The following DDX10 variants were observed in gnomAD, a reference collection of about 807,000 sequenced individuals.
DDX10 encodes the protein probable ATP-dependent RNA helicase DDX10.
Under a neutral mutation model 104.3 loss-of-function variants are expected in DDX10, and 74 were observed. The ratio of observed to expected loss-of-function variants is 0.71; its 90% CI spans 0.59 to 0.86. DDX10 has a LOEUF of 0.86. Among genes scored for constraint, DDX10 ranks in the 40% least tolerant of loss-of-function variants. The pLI is 0.00. For missense variants in DDX10, 952 were observed against 1,040.0 expected, an observed-to-expected ratio of 0.92 and a Z score of 1.16; for synonymous variants, 351 against 353.4, an observed-to-expected ratio of 0.99 and a Z score of 0.08.
intron 2 of DDX10, among the ~76,000 whole-genome samples, chr11:108,674,852 T>C (rs2094221916): frequency 6.6e-6 from 1 of 152,158 alleles, no homozygotes; most frequent in African/African-American, 2.4e-5. Context: ...CTAACTGAAA[T>C]TTTGTATGTT....
At chr11:108,870,698 T>C (rs955367530) in intron 16 of DDX10, among the ~76,000 whole-genome samples, 1 of 152,212 alleles carries the variant, frequency 6.6e-6, no homozygotes, top group African/African-American at 2.4e-5. Context: ...TACCTTGATA[T>C]ATTTTTCTCC....
At chr11:108,872,558 G>A (rs1863096777) in intron 16 of DDX10, among the ~76,000 whole-genome samples, 1 of 152,082 alleles carries the variant, frequency 6.6e-6, no homozygotes, top group Admixed American at 6.5e-5. Context: ...AGACAGCTTT[G>A]GTTTGCAAAA....
intron 17 of DDX10, among the ~76,000 whole-genome samples, chr11:108,932,588 G>A (rs902551739): frequency 2.6e-5 from 4 of 152,058 alleles, no homozygotes; most frequent in African/African-American, 7.3e-5. Context: ...AACCCAGTGT[G>A]TAGTTCTCAA....
At chr11:108,815,975 T>A (rs897109641) in intron 13 of DDX10, among the ~76,000 whole-genome samples, 8 of 152,226 alleles carry the variant, frequency 5.3e-5, no homozygotes, top group African/African-American at 1.9e-4. Context: ...CTGTTGAAAC[T>A]TTTCTTGCTA....
chr11:108,851,911 T>C (rs572976807), intron 15 of DDX10, among the ~76,000 whole-genome samples: 1 of 152,320 alleles, frequency 6.6e-6, no homozygotes, highest in Non-Finnish European at 1.5e-5. Context: ...TGAAAGTCAG[T>C]ACTAACCATT....
chr11:108,817,938 T>TA (rs1862276772), intron 13 of DDX10, among the ~76,000 whole-genome samples: 1 of 152,248 alleles, frequency 6.6e-6, no homozygotes, highest in Non-Finnish European at 1.5e-5. Flanking sequence ...AACATGCTGC[T>TA]ACTTTGGAGA....
intron 14 of DDX10, 100 bp from the exon 15 acceptor site, chr11:108,841,215 A>G (rs969913857): frequency 1.1e-5 from 10 of 946,278 alleles, no homozygotes; most frequent in African/African-American, 6.6e-5. Context: ...TAAGGCAGAA[A>G]ATGGGTATCT....
intron 13 of DDX10, among the ~76,000 whole-genome samples, chr11:108,735,524 CTGT>C (rs2094317300): frequency 6.6e-6 from 1 of 152,034 alleles, no homozygotes; most frequent in Non-Finnish European, 1.5e-5. Flanking sequence ...AGGCACTCTT[CTGT>C]TGTTGCTGGA....
At chr11:108,758,888 T>C (rs2094347544) in intron 13 of DDX10, among the ~76,000 whole-genome samples, 1 of 152,032 alleles carries the variant, frequency 6.6e-6, no homozygotes, top group East Asian at 1.9e-4. Context: ...TGTGGACATT[T>C]TTTGGGGTCG....
At chr11:108,926,540 CT>C (rs1863911638) in intron 17 of DDX10, among the ~76,000 whole-genome samples, 1 of 152,186 alleles carries the variant, frequency 6.6e-6, no homozygotes. Flanking sequence ...ATAATGAACT[CT>C]GAGCCCATCA....
intron 13 of DDX10, among the ~76,000 whole-genome samples, chr11:108,775,683 G>A (rs961240855): frequency 7.9e-5 from 12 of 152,036 alleles, no homozygotes; most frequent in African/African-American, 2.9e-4. Context: ...CTCTATTTTT[G>A]TTTTTGTTAC....
At chr11:108,856,635 T>A (rs768841725) in intron 16 of DDX10, among the ~76,000 whole-genome samples, 21 of 152,212 alleles carry the variant, frequency 1.4e-4, no homozygotes, top group Non-Finnish European at 1.6e-4. Flanking sequence ...TTGTTCTTCC[T>A]ACTTTTTTGG....
chr11:108,891,250 G>T (rs569755163), intron 16 of DDX10, among the ~76,000 whole-genome samples: 7 of 152,202 alleles, frequency 4.6e-5, no homozygotes, highest in African/African-American at 1.7e-4. Flanking sequence ...TAATCTTTTG[G>T]TTTTTCCTTC....
chr11:108,755,126 A>AGAT (rs1342190611), intron 13 of DDX10, among the ~76,000 whole-genome samples: 2 of 152,016 alleles, frequency 1.3e-5, no homozygotes, highest in African/African-American at 4.8e-5. Context: ...TCTTGGCAGG[A>AGAT]GATGTTGCTT....
In DDX10 at chr11:108,785,567, C is replaced by T. The variant is rs77649020; in HGVS notation, c.1966-52879C>T. Among the ~76,000 whole-genome samples, 1,109 of 151,814 alleles carry T rather than the reference C, an allele frequency of 7.3e-3. 14 individuals are homozygous for T. Among genetic ancestry groups the T allele is most frequent in the African/African-American group, 0.025 (1,031 of 41,406 alleles). On this transcript the variant is annotated intron_variant, in intron 13 of 17. Coordinates refer to ENST00000322536, the MANE Select transcript of DDX10 (RefSeq NM_004398.4). ...TCTGATAGAATTCGGGTGTGAATCC[C>T]TCTCGTCTGGAGCTCTTTTGGTTTG...
intron 13 of DDX10, among the ~76,000 whole-genome samples, chr11:108,777,286 G>C (rs527424662): frequency 6.6e-6 from 1 of 152,032 alleles, no homozygotes; most frequent in Non-Finnish European, 1.5e-5. Flanking sequence ...CAGTCTCCAC[G>C]TAATTTGAGG....
intron 6 of DDX10, among the ~76,000 whole-genome samples, chr11:108,684,919 A>T (rs1426545249): frequency 1.4e-5 from 2 of 141,772 alleles, no homozygotes; most frequent in African/African-American, 2.6e-5. Flanking sequence ...GATATCTCAT[A>T]GTGGTTTTGA....
At chr11:108,697,171 T>C (rs575924684) in intron 9 of DDX10, among the ~76,000 whole-genome samples, 11 of 152,300 alleles carry the variant, frequency 7.2e-5, no homozygotes, top group Admixed American at 5.2e-4. Flanking sequence ...AAAAGTATTT[T>C]TACTTGACTA....
intron 13 of DDX10, among the ~76,000 whole-genome samples, chr11:108,797,097 G>A (rs1014024505): frequency 2.0e-5 from 3 of 151,760 alleles, no homozygotes; most frequent in Non-Finnish European, 4.4e-5. Context: ...GCAGTGGCAC[G>A]ATCTTGGCTC....
Sources: gnomAD v4.1 joint callset for allele counts (sites outside exome capture counted in the v4.1 genomes callset) on GRCh38, gnomAD v4.1.1 for gene constraint, MANE v1.5 for transcripts, NCBI Gene and HGNC (gene_info 2026-07-23, HGNC 2026-07-21) for gene names.